Variants in PACRGL observed in about 807,000 individuals in gnomAD.
PACRGL encodes parkin coregulated like.
In PACRGL, 38 loss-of-function variants were observed where a neutral mutation model predicts 34.5. The observed-to-expected ratio is 1.10, with a 90% CI of 0.85 to 1.44. The LOEUF is 1.44. Ranked by LOEUF, PACRGL falls within the 40% of genes most tolerant of loss-of-function variation. The pLI, the probability that PACRGL is intolerant of heterozygous loss-of-function variation, is 0.00. For synonymous variants in PACRGL, 128 were observed against 100.1 expected (o/e 1.28, Z -1.66); for missense variants, 305 against 281.4 (o/e 1.08, Z -0.60).
chr4:20,714,112 AT>A, intron 7 of PACRGL, among the ~76,000 whole-genome samples: 1 of 152,044 alleles, frequency 6.6e-6, no homozygotes. Context: ...AAAGTCTCCC[AT>A]TATTATTGTG....
intron 7 of PACRGL, 84 bp from the exon 8 acceptor site, chr4:20,724,724 G>A: frequency 1.6e-6 from 1 of 627,736 alleles, no homozygotes; most frequent in Non-Finnish European, 2.4e-6. Context: ...AAAACAAGGG[G>A]TGCTCCTGAA....
chr4:20,759,908 C>G, the PACRGL span, among the ~76,000 whole-genome samples: 1 of 152,102 alleles, frequency 6.6e-6, no homozygotes, highest in African/African-American at 2.4e-5. Context: ...GCTTCCAGGA[C>G]CACCGCGGAT....
rs186918155 is a variant in PACRGL, at chr4:20,708,995, C to T, written c.276-688C>T. Among the ~76,000 whole-genome samples, 10 of 151,674 alleles carry T rather than the reference C, an allele frequency of 6.6e-5. No homozygotes were observed. In the East Asian group the frequency reaches 1.2e-3, roughly 18 times the overall value. On this transcript the variant is annotated intron_variant, in intron 4 of 8. Coordinates refer to ENST00000503585, the MANE Select transcript of PACRGL (RefSeq NM_001258345.3). ...AAAAAAAAAAAAATACAAAATTAGC[C>T]GGGTGTGGTGGTGCATGCCTGTAAT... is the stretch of plus-strand genomic sequence containing the variant.
At chr4:20,746,139 A>G (rs1226027019) in intron 8 of PACRGL, among the ~76,000 whole-genome samples, 2 of 152,194 alleles carry the variant, frequency 1.3e-5, no homozygotes, top group Non-Finnish European at 1.5e-5. Context: ...AATGTCCATC[A>G]ATAATACACT....
downstream of PACRGL, among the ~76,000 whole-genome samples, chr4:20,755,672 G>A (rs909234721): frequency 2.6e-5 from 4 of 152,170 alleles, no homozygotes; most frequent in Non-Finnish European, 4.4e-5. Flanking sequence ...AAGGGGATGG[G>A]GAATGTTTAA....
chr4:20,734,092 AC>A (rs1335861900), downstream of PACRGL, among the ~76,000 whole-genome samples: 1 of 151,888 alleles, frequency 6.6e-6, no homozygotes, highest in Non-Finnish European at 1.5e-5. Flanking sequence ...TGGTTAACTT[AC>A]TCCATCCCTT....
chr4:20,707,856 A>C lies in PACRGL; in HGVS notation c.261A>C (p.Gly87=). 6.2e-7 allele frequency: 1 copy of C among 1,612,824 alleles called. No individual in the cohort carries two copies. Among genetic ancestry groups the C allele is most frequent in the Non-Finnish European group, 8.5e-7 (1 of 1,178,950 alleles). Residue 87 remains glycine, a synonymous_variant, in exon 4 of 9, where the codon GGA becomes GGC. Coordinates refer to ENST00000503585, the MANE Select transcript of PACRGL (RefSeq NM_001258345.3). ...PSAFAAIYSK[G]GIPCRLVHGS... ...CATTTGCAGCTATTTACTCTAAAGG[A>C]GGTATTCCTTGCAGGTAAAATCAAT...
intron 7 of PACRGL, among the ~76,000 whole-genome samples, chr4:20,717,820 C>G (rs898058176): frequency 6.6e-6 from 1 of 151,794 alleles, no homozygotes; most frequent in Non-Finnish European, 1.5e-5. Context: ...AATGTGGGCT[C>G]TTTTTTGTTT....
At chr4:20,766,436 C>T in the PACRGL span, among the ~76,000 whole-genome samples, 1 of 152,198 alleles carries the variant, frequency 6.6e-6, no homozygotes, top group Admixed American at 6.5e-5. Flanking sequence ...CGTGGTGGCA[C>T]ATGCCTATAA....
the PACRGL span, among the ~76,000 whole-genome samples, chr4:20,762,615 C>T: frequency 6.6e-6 from 1 of 152,292 alleles, no homozygotes; most frequent in East Asian, 1.9e-4. Flanking sequence ...ATGAATTTGG[C>T]CAGGCTGCAT....
chr4:20,713,647 T>G, intron 7 of PACRGL, 108 bp downstream of exon 7: 1 of 852,534 alleles, frequency 1.2e-6, no homozygotes, highest in South Asian at 1.6e-5. Context: ...CTTAAAAATC[T>G]CCCTCTACAC....
chr4:20,720,597 C>A (rs1293818205), intron 7 of PACRGL, among the ~76,000 whole-genome samples: 3 of 152,106 alleles, frequency 2.0e-5, no homozygotes, highest in Non-Finnish European at 4.4e-5. Flanking sequence ...CTTAGTTTGG[C>A]TGGATATGAA....
At chr4:20,736,201 T>C (rs967059400), downstream of PACRGL, among the ~76,000 whole-genome samples, 4 of 152,214 alleles carry the variant, frequency 2.6e-5, no homozygotes, top group South Asian at 2.1e-4. Flanking sequence ...TACACAAGTA[T>C]AAGATATATT....
downstream of PACRGL, among the ~76,000 whole-genome samples, chr4:20,736,189 C>T (rs1056387584): frequency 6.6e-6 from 1 of 152,158 alleles, no homozygotes; most frequent in African/African-American, 2.4e-5. Flanking sequence ...AATTTTTGTG[C>T]ATACACAAGT....
chr4:20,766,196 G>C, the PACRGL span, among the ~76,000 whole-genome samples: 1 of 152,254 alleles, frequency 6.6e-6, no homozygotes, highest in African/African-American at 2.4e-5. Context: ...CTGTCTTAGA[G>C]AGGGGCCACT....
At chr4:20,741,141 T>C (rs1025859502) in intron 8 of PACRGL, among the ~76,000 whole-genome samples, 1 of 152,326 alleles carries the variant, frequency 6.6e-6, no homozygotes, top group Admixed American at 6.5e-5. Flanking sequence ...AACACCCCAC[T>C]GTCAGCATTA....
downstream of PACRGL, among the ~76,000 whole-genome samples, chr4:20,753,537 C>T (rs1255855863): frequency 2.0e-5 from 3 of 152,132 alleles, no homozygotes; most frequent in Admixed American, 1.3e-4. Flanking sequence ...TTATCATGCC[C>T]CAGGTTTGTA....
chr4:20,740,199 G>C (rs1750727064), intron 8 of PACRGL, among the ~76,000 whole-genome samples: 1 of 152,102 alleles, frequency 6.6e-6, no homozygotes, highest in African/African-American at 2.4e-5. Context: ...AACCTAGCAA[G>C]TCAGGCCAAC....
At chr4:20,758,531 A>AT in the PACRGL span, among the ~76,000 whole-genome samples, 2 of 152,148 alleles carry the variant, frequency 1.3e-5, no homozygotes, top group Admixed American at 1.3e-4. Flanking sequence ...GCTTTGTGGC[A>AT]TTTTTGAGCA....
Sources: gnomAD v4.1 joint callset for allele counts (sites outside exome capture counted in the v4.1 genomes callset) on GRCh38, gnomAD v4.1.1 for gene constraint, MANE v1.5 for transcripts, NCBI Gene and HGNC (gene_info 2026-07-23, HGNC 2026-07-21) for gene names.